The following ARHGEF26 variants were observed in gnomAD, a reference collection of about 807,000 sequenced individuals.
ARHGEF26 encodes the protein Rho guanine nucleotide exchange factor 26.
In ARHGEF26, 59 loss-of-function variants were observed where a neutral mutation model predicts 89.4. The observed-to-expected ratio is 0.66, with a 90% confidence interval of 0.54 to 0.82. ARHGEF26 has a LOEUF of 0.82. Ranked by LOEUF, ARHGEF26 falls within the 40% of genes least tolerant of loss-of-function variation. The pLI, the probability that ARHGEF26 is intolerant of heterozygous loss-of-function variation, is 0.00. For missense variants in ARHGEF26, 1,234 were observed against 1,085.6 expected, an observed-to-expected ratio of 1.14 and a Z score of -1.92; for synonymous variants, 500 against 428.4, an observed-to-expected ratio of 1.17 and a Z score of -2.06.
At position 154,157,424 on chromosome 3, in the gene ARHGEF26, C is replaced by T. The variant is rs80323887; in HGVS notation, c.1487+4492C>T. On this transcript the variant is annotated intron_variant, in intron 6 of 14. Coordinates refer to ENST00000465093, the MANE Select transcript of ARHGEF26 (RefSeq NM_015595.4). ...AAAGGAGAGCATGAGAGCAGATGTT[C>T]GTGAAGGCCATTATGTGCCCTGCTG... Among the ~76,000 whole-genome samples the T allele has an allele frequency of 8.4e-3, 1,278 of 152,208 alleles. 14 individuals carry two copies. Among genetic ancestry groups the T allele is most frequent in the African/African-American group, 0.029 (1,216 of 41,538 alleles).
intron 6 of ARHGEF26, among the ~76,000 whole-genome samples, chr3:154,181,315 A>C (rs947234385): frequency 6.6e-6 from 1 of 152,176 alleles, no homozygotes. Flanking sequence ...CAACTTAGAC[A>C]TGTGAAATCT....
At chr3:154,250,462 C>G (rs1168177445) in intron 12 of ARHGEF26, among the ~76,000 whole-genome samples, 2 of 152,184 alleles carry the variant, frequency 1.3e-5, no homozygotes, top group African/African-American at 4.8e-5. Context: ...GTGTCTTGTT[C>G]TATCCTCTGG....
chr3:154,140,768 A>G (rs1018958947), intron 4 of ARHGEF26, among the ~76,000 whole-genome samples: 4 of 151,244 alleles, frequency 2.6e-5, no homozygotes, highest in Non-Finnish European at 4.4e-5. Flanking sequence ...TTTAATAGAG[A>G]CAGGGTTTTG....
chr3:154,227,715 GTC>G (rs1172041723), intron 11 of ARHGEF26, among the ~76,000 whole-genome samples: 2 of 152,116 alleles, frequency 1.3e-5, no homozygotes, highest in Admixed American at 1.3e-4. Flanking sequence ...AGTTATATAT[GTC>G]TCTTCAAATG....
intron 6 of ARHGEF26, among the ~76,000 whole-genome samples, chr3:154,156,053 G>C (rs575101068): frequency 1.9e-4 from 29 of 152,040 alleles, no homozygotes; most frequent in African/African-American, 6.5e-4. Flanking sequence ...TATCTTTAAT[G>C]ATAGAATTAT....
At chr3:154,233,424 T>G (rs1359761769) in intron 11 of ARHGEF26, among the ~76,000 whole-genome samples, 1 of 152,218 alleles carries the variant, frequency 6.6e-6, no homozygotes, top group African/African-American at 2.4e-5. Context: ...GGAATCATGT[T>G]TTTTAGAAGG....
At chr3:154,156,767 G>A (rs1720363519) in intron 6 of ARHGEF26, among the ~76,000 whole-genome samples, 1 of 152,174 alleles carries the variant, frequency 6.6e-6, no homozygotes, top group Non-Finnish European at 1.5e-5. Context: ...TATTACTCAT[G>A]AAAGAGTTTG....
intron 5 of ARHGEF26, among the ~76,000 whole-genome samples, chr3:154,151,094 G>A (rs1446291532): frequency 6.6e-6 from 1 of 152,164 alleles, no homozygotes; most frequent in African/African-American, 2.4e-5. Flanking sequence ...GGGAAAAGAA[G>A]GAATGAAGTG....
At chr3:154,206,732 T>C (rs1715040725) in intron 9 of ARHGEF26, among the ~76,000 whole-genome samples, 1 of 152,120 alleles carries the variant, frequency 6.6e-6, no homozygotes, top group Admixed American at 6.6e-5. Context: ...AAACTGCCAT[T>C]ACATTCTTCA....
chr3:154,242,237 A>G (rs534496323), intron 12 of ARHGEF26, among the ~76,000 whole-genome samples: 4 of 152,294 alleles, frequency 2.6e-5, no homozygotes, highest in South Asian at 4.1e-4. Flanking sequence ...CCTCTGATGG[A>G]TCTGGGCAAA....
intron 12 of ARHGEF26, among the ~76,000 whole-genome samples, chr3:154,246,460 T>C (rs1576826557): frequency 6.6e-6 from 1 of 152,158 alleles, no homozygotes; most frequent in East Asian, 1.9e-4. Flanking sequence ...TAGGAAGCAG[T>C]TTGACATTTC....
intron 6 of ARHGEF26, among the ~76,000 whole-genome samples, chr3:154,164,699 A>G (rs1711894778): frequency 1.3e-5 from 2 of 152,178 alleles, no homozygotes; most frequent in East Asian, 1.9e-4. Flanking sequence ...GCACAATAGG[A>G]ATGTTTGTGT....
chr3:154,206,329 A>C (rs1419646213), intron 9 of ARHGEF26, among the ~76,000 whole-genome samples: 1 of 152,014 alleles, frequency 6.6e-6, no homozygotes, highest in Non-Finnish European at 1.5e-5. Flanking sequence ...TTTTTTGTAG[A>C]GATGGGGTCT....
intron 12 of ARHGEF26, among the ~76,000 whole-genome samples, chr3:154,244,139 A>G (rs941107803): frequency 2.6e-4 from 40 of 152,230 alleles, no homozygotes; most frequent in African/African-American, 9.4e-4. Flanking sequence ...ACTTAGAGTC[A>G]GGTATATAAT....
chr3:154,137,813 TAAAAAA>T (rs35590555), intron 4 of ARHGEF26, among the ~76,000 whole-genome samples: 22 of 139,360 alleles, frequency 1.6e-4, no homozygotes, highest in African/African-American at 5.9e-4. Context: ...CCCTATCTCT[TAAAAAA>T]AAAAAAAAAG....
intron 6 of ARHGEF26, among the ~76,000 whole-genome samples, chr3:154,176,543 G>T (rs894702396): frequency 2.0e-5 from 3 of 152,128 alleles, no homozygotes; most frequent in African/African-American, 7.2e-5. Flanking sequence ...AGGAGAGTTC[G>T]CAATGACGCT....
chr3:154,149,264 T>C, intron 4 of ARHGEF26, 125 bp from the exon 5 acceptor site: 1 of 589,332 alleles, frequency 1.7e-6, no homozygotes. Context: ...TATTGATGAA[T>C]TCAACATTTT....
Position 154,122,760 on chromosome 3 carries a change from CTCGGAAAT to C in ARHGEF26, c.770_777del (p.Ser257Ter). ...AGCAGATCATTCCGAAGAGTCTGGCCTCGGAAATTAAAATAAGTAAATCCAACAATCAA... is the reference window on the plus strand; with the variant it reads ...AGCAGATCATTCCGAAGAGTCTGGCCTAAAATAAGTAAATCCAACAATCAA... On this transcript the variant is annotated frameshift_variant, in exon 2 of 15. Coordinates refer to ENST00000465093, the MANE Select transcript of ARHGEF26 (RefSeq NM_015595.4). LOFTEE classifies it high-confidence loss of function. 1 of 1,611,320 alleles carries C rather than the reference CTCGGAAAT, an allele frequency of 6.2e-7. No homozygotes were observed. Among genetic ancestry groups the C allele is most frequent in the Non-Finnish European group, 8.5e-7 (1 of 1,178,654 alleles).
intron 6 of ARHGEF26, among the ~76,000 whole-genome samples, chr3:154,174,113 A>ACCAG (rs1311035989): frequency 7.2e-5 from 11 of 152,204 alleles, no homozygotes; most frequent in African/African-American, 2.7e-4. Flanking sequence ...CTGCCCTGGC[A>ACCAG]GCCAGGCCAT....
Sources: allele counts gnomAD v4.1 joint callset (sites outside exome capture counted in the v4.1 genomes callset), GRCh38; gene constraint gnomAD v4.1.1; transcripts MANE v1.5; gene names NCBI Gene and HGNC (gene_info 2026-07-23, HGNC 2026-07-21).